FHIT: variants seen among roughly 807,000 people sequenced by gnomAD.
The protein encoded by FHIT is bis(5'-adenosyl)-triphosphatase.
In FHIT, 19 loss-of-function variants were observed where a neutral mutation model predicts 17.9. The observed-to-expected ratio is 1.06, with a 90% CI of 0.74 to 1.56. The LOEUF is 1.56. Ranked by LOEUF, FHIT falls within the 40% of genes most tolerant of loss-of-function variation. The pLI is 0.00. For missense variants in FHIT, 248 were observed against 189.2 expected (o/e 1.31, Z -1.82); for synonymous variants, 81 against 69.7 (o/e 1.16, Z -0.81).
intron 4 of FHIT, among the ~76,000 whole-genome samples, chr3:60,618,341 G>A (rs2039014393): frequency 1.3e-5 from 2 of 152,218 alleles, no homozygotes; most frequent in African/African-American, 4.8e-5. Context: ...CTGTAGAGAT[G>A]GTAGTGCCAT....
intron 5 of FHIT, among the ~76,000 whole-genome samples, chr3:60,402,407 G>T (rs1701698066): frequency 6.6e-6 from 1 of 152,170 alleles, no homozygotes; most frequent in African/African-American, 2.4e-5. Flanking sequence ...TTTGGGCCAT[G>T]AAATTTATTA....
At chr3:60,442,980 G>A (rs568633356) in intron 5 of FHIT, among the ~76,000 whole-genome samples, 3 of 151,864 alleles carry the variant, frequency 2.0e-5, no homozygotes, top group Non-Finnish European at 2.9e-5. Context: ...CCTTGAAGAG[G>A]TCCTTCACAT....
At chr3:60,441,298 A>T (rs58044922) in intron 5 of FHIT, among the ~76,000 whole-genome samples, 16,689 of 152,028 alleles carry the variant, frequency 0.11, 1,028 homozygotes, top group Middle Eastern at 0.22. Context: ...CAATGCAGGG[A>T]GTTTACTCAC....
At chr3:60,083,935 C>A (rs1022906696) in intron 5 of FHIT, among the ~76,000 whole-genome samples, 4 of 152,186 alleles carry the variant, frequency 2.6e-5, no homozygotes, top group Admixed American at 6.5e-5. Flanking sequence ...TGCTATTAAG[C>A]TATTGCCTCA....
At chr3:61,171,196 A>C (rs1404720055) in intron 2 of FHIT, among the ~76,000 whole-genome samples, 1 of 152,096 alleles carries the variant, frequency 6.6e-6, no homozygotes, top group East Asian at 1.9e-4. Context: ...GCATTTCTCT[A>C]ATGATCAGTG....
intron 4 of FHIT, among the ~76,000 whole-genome samples, chr3:60,811,972 C>T (rs1701583517): frequency 6.6e-6 from 1 of 152,006 alleles, no homozygotes; most frequent in Non-Finnish European, 1.5e-5. Context: ...ACAAGTAAAA[C>T]ACAAATGCAT....
At chr3:60,680,099 G>T (rs2040711844) in intron 4 of FHIT, among the ~76,000 whole-genome samples, 1 of 152,150 alleles carries the variant, frequency 6.6e-6, no homozygotes, top group South Asian at 2.1e-4. Flanking sequence ...CATGGGAGTT[G>T]CATGTCTTCA....
intron 8 of FHIT, among the ~76,000 whole-genome samples, chr3:59,919,835 C>T (rs914137735): frequency 4.3e-4 from 65 of 152,312 alleles, no homozygotes; most frequent in African/African-American, 1.5e-3. Flanking sequence ...ATCACTCCAT[C>T]GCTTCTGATT....
intron 4 of FHIT, among the ~76,000 whole-genome samples, chr3:60,602,340 C>T (rs1553669056): frequency 1.3e-5 from 2 of 152,132 alleles, no homozygotes; most frequent in African/African-American, 4.8e-5. Context: ...CTTTCTACAG[C>T]AACAGCCAAT....
chr3:60,052,994 T>C (rs907393759), intron 5 of FHIT, among the ~76,000 whole-genome samples: 3 of 151,966 alleles, frequency 2.0e-5, no homozygotes, highest in Non-Finnish European at 4.4e-5. Context: ...GTATTATATT[T>C]TCTCTGGCTT....
At chr3:61,110,904 A>C (rs556351607) in intron 2 of FHIT, among the ~76,000 whole-genome samples, 17 of 152,316 alleles carry the variant, frequency 1.1e-4, no homozygotes, top group Admixed American at 5.2e-4. Flanking sequence ...TTTAGGTTTT[A>C]CCGCTATAAA....
intron 5 of FHIT, among the ~76,000 whole-genome samples, chr3:60,307,679 G>T (rs1708742299): frequency 6.6e-6 from 1 of 152,204 alleles, no homozygotes; most frequent in East Asian, 1.9e-4. Flanking sequence ...AGGAAAAGAG[G>T]TATTTTCTCA....
At chr3:61,037,142 A>C (rs2033295907) in intron 3 of FHIT, among the ~76,000 whole-genome samples, 1 of 151,884 alleles carries the variant, frequency 6.6e-6, no homozygotes, top group Non-Finnish European at 1.5e-5. Flanking sequence ...CGATCTCCTG[A>C]CCTCGTGATC....
intron 4 of FHIT, among the ~76,000 whole-genome samples, chr3:60,815,242 A>G (rs1479919959): frequency 6.6e-6 from 1 of 152,016 alleles, no homozygotes; most frequent in East Asian, 1.9e-4. Context: ...CTCTGGTTTG[A>G]TTAGTCTCAC....
At chr3:60,173,280 C>G (rs1269719647) in intron 5 of FHIT, among the ~76,000 whole-genome samples, 1 of 152,140 alleles carries the variant, frequency 6.6e-6, no homozygotes, top group Non-Finnish European at 1.5e-5. Flanking sequence ...TCAGGCACAC[C>G]TGGGAAGAAG....
chr3:61,044,194 G>T (rs181268462), intron 2 of FHIT, among the ~76,000 whole-genome samples: 1 of 152,196 alleles, frequency 6.6e-6, no homozygotes, highest in East Asian at 1.9e-4. Flanking sequence ...CAAGCTAAAG[G>T]AGGATGTTCG....
chr3:60,367,698 A>G (rs11130769), intron 5 of FHIT, among the ~76,000 whole-genome samples: 19,651 of 152,160 alleles, frequency 0.13, 1,869 homozygotes, highest in East Asian at 0.26. Flanking sequence ...GTTACATGGT[A>G]TGACCTATAG....
intron 4 of FHIT, among the ~76,000 whole-genome samples, chr3:60,702,662 T>C (rs1238438374): frequency 6.6e-6 from 1 of 152,154 alleles, no homozygotes; most frequent in African/African-American, 2.4e-5. Flanking sequence ...ATGAATATAA[T>C]CATATCACAT....
At chr3:59,929,418 T>C (rs1003924672) in intron 7 of FHIT, among the ~76,000 whole-genome samples, 2 of 134,730 alleles carry the variant, frequency 1.5e-5, no homozygotes, top group African/African-American at 5.5e-5. Context: ...TCACCCAGGC[T>C]GGAGTGCAGT....
Sources: allele counts gnomAD v4.1 joint callset (sites outside exome capture counted in the v4.1 genomes callset), GRCh38; gene constraint gnomAD v4.1.1; transcripts MANE v1.5; gene names NCBI Gene and HGNC (gene_info 2026-07-23, HGNC 2026-07-21).